The following KIF27 variants were observed in gnomAD, a reference collection of about 807,000 sequenced individuals.
KIF27 encodes the protein kinesin family member 27.
In KIF27, 84 loss-of-function variants were observed where a neutral mutation model predicts 141.8. The ratio of observed to expected loss-of-function variants is 0.59; its 90% CI spans 0.50 to 0.71. KIF27 has a LOEUF of 0.71. Among genes scored for constraint, KIF27 ranks in the 30% least tolerant of loss-of-function variants. KIF27 has a pLI of 0.00. For missense variants in KIF27, 1,306 were observed against 1,628.4 expected, an observed-to-expected ratio of 0.80 and a Z score of 3.41; for synonymous variants, 471 against 569.5, an observed-to-expected ratio of 0.83 and a Z score of 2.46.
At chr9:83,840,183 G>C (rs956979876) in intron 17 of KIF27, among the ~76,000 whole-genome samples, 1 of 152,068 alleles carries the variant, frequency 6.6e-6, no homozygotes, top group Non-Finnish European at 1.5e-5. Context: ...TTTAAAGCAT[G>C]GGCAAAATAT....
At chr9:83,916,181 C>T (rs1237505826) in intron 1 of KIF27, among the ~76,000 whole-genome samples, 4 of 151,854 alleles carry the variant, frequency 2.6e-5, no homozygotes, top group African/African-American at 9.7e-5. Context: ...TACAGGCGCC[C>T]GCCACCACAC....
chr9:83,880,527 A>G, intron 10 of KIF27, 33 bp from the exon 11 acceptor site: 1 of 1,496,570 alleles, frequency 6.7e-7, no homozygotes, highest in Non-Finnish European at 9.2e-7. Context: ...AAAATGAAAA[A>G]CTGAATCTCT....
intron 13 of KIF27, among the ~76,000 whole-genome samples, chr9:83,866,954 C>G (rs963006870): frequency 1.3e-5 from 2 of 149,404 alleles, no homozygotes; most frequent in Non-Finnish European, 3.0e-5. Flanking sequence ...ATTCACCCCC[C>G]CCCCAAAAAA....
chr9:83,847,664 T>A (rs1259000604), intron 16 of KIF27: 1 of 152,068 alleles, frequency 6.6e-6, no homozygotes, highest in Non-Finnish European at 1.5e-5. Context: ...TTTGAGTCAG[T>A]GGGCTGGGGA....
At chr9:83,909,857 G>A (rs1041230815) in intron 2 of KIF27, among the ~76,000 whole-genome samples, 7 of 152,156 alleles carry the variant, frequency 4.6e-5, no homozygotes, top group Middle Eastern at 3.4e-3. Flanking sequence ...GAGCTAAGAA[G>A]TTTGAGACAA....
intron 4 of KIF27, among the ~76,000 whole-genome samples, chr9:83,902,483 A>G (rs1954020969): frequency 6.6e-6 from 1 of 152,222 alleles, no homozygotes; most frequent in Non-Finnish European, 1.5e-5. Context: ...TCTGAACTCA[A>G]TACACGTACA....
At position 83,850,830 on chromosome 9, in the gene KIF27, C is replaced by CTTTTTTT. The variant is rs202212264; in HGVS notation, c.3358-540_3358-534dup. Among the ~76,000 whole-genome samples, 15 of 67,504 alleles carry CTTTTTTT rather than the reference C, an allele frequency of 2.2e-4. 1 individual carries two copies. Among genetic ancestry groups the CTTTTTTT allele is most frequent in the East Asian group, 8.4e-4 (2 of 2,390 alleles). 44.3% of individuals were successfully genotyped at this position (67,504 alleles called of 152,430 possible). ...TGGAATTCTGAATTGATGACATTTT[C>CTTTTTTT]TTTTTTTTTTTTTTTTTTTTTTTTT... On this transcript the variant is annotated intron_variant, in intron 15 of 17. Coordinates refer to ENST00000297814, the MANE Select transcript of KIF27 (RefSeq NM_017576.4).
At chr9:83,904,494 G>A (rs1010084315) in intron 3 of KIF27, among the ~76,000 whole-genome samples, 7 of 151,914 alleles carry the variant, frequency 4.6e-5, no homozygotes, top group South Asian at 2.1e-4. Flanking sequence ...TTAGCCTCCC[G>A]AGTAGTTGGG....
intron 7 of KIF27, among the ~76,000 whole-genome samples, 159 bp from the exon 8 acceptor site, chr9:83,888,751 C>G (rs1027611666): frequency 2.7e-5 from 4 of 148,690 alleles, no homozygotes; most frequent in South Asian, 4.2e-4. Flanking sequence ...ATGCCCCCCC[C>G]ATCCATGTTG....
chr9:83,844,383 ATTAG>A (rs1466931116), intron 16 of KIF27, among the ~76,000 whole-genome samples: 3 of 98,190 alleles, frequency 3.1e-5, no homozygotes, highest in African/African-American at 5.2e-5. Context: ...TATATCTCCT[ATTAG>A]TTCTATCCCT....
At chr9:83,896,400 A>T (rs1027136754) in intron 5 of KIF27, among the ~76,000 whole-genome samples, 3 of 152,222 alleles carry the variant, frequency 2.0e-5, no homozygotes, top group African/African-American at 7.2e-5. Flanking sequence ...ATTAATATCT[A>T]AAAATTAGTA....
At chr9:83,871,057 T>C (rs1327915422) in intron 11 of KIF27, among the ~76,000 whole-genome samples, 1 of 152,068 alleles carries the variant, frequency 6.6e-6, no homozygotes, top group East Asian at 1.9e-4. Flanking sequence ...ACTACAGGTG[T>C]GTACCACCAC....
rs1029092272 is a variant in KIF27, at chr9:83,836,120, GA to G, written c.*880del. ...GCAAAGCCTGACTAAGGAGGTTATA[GA>G]AAAAAATATCAGACTTAAGCCCATC... On this transcript the variant is annotated 3_prime_UTR_variant, in exon 18 of 18. Transcript: ENST00000297814. 3.6e-4 allele frequency among the ~76,000 whole-genome samples: 54 copies of G among 151,412 alleles called. No homozygotes were observed. Among genetic ancestry groups the G allele is most frequent in the Middle Eastern group, 6.8e-3 (2 of 294 alleles).
rs779050289 is a variant in KIF27 at position 83,867,887 on chromosome 9, C to T, written c.2758-27G>A. The T allele has an allele frequency of 1.5e-5, 23 of 1,549,242 alleles. 2 individuals carry two copies. Among genetic ancestry groups the T allele is most frequent in the South Asian group, 1.0e-4 (8 of 80,350 alleles). ...TACATTAAAATTAAAAAAAAAGTTA[C>T]TTGTTTTTCCTTCTGCCATAAAAAT... On this transcript the variant is annotated intron_variant, in intron 12 of 17. Coordinates refer to ENST00000297814, the MANE Select transcript of KIF27 (RefSeq NM_017576.4).
Position 83,867,863 on chromosome 9 carries a change from A to G in KIF27, c.2758-3T>C. 1 of 1,564,750 alleles carries G rather than the reference A, an allele frequency of 6.4e-7. No homozygotes were observed. Among genetic ancestry groups the G allele is most frequent in the South Asian group, 1.2e-5 (1 of 82,228 alleles). Reference sequence around the variant, plus strand: ...CATTTCTTTTGCTCATCCAATTTCTACATTAAAATTAAAAAAAAAGTTACT... The same window carrying G: ...CATTTCTTTTGCTCATCCAATTTCTGCATTAAAATTAAAAAAAAAGTTACT... On this transcript the variant is annotated splice_region_variant and splice_polypyrimidine_tract_variant and intron_variant, in intron 12 of 17. Coordinates refer to ENST00000297814, the MANE Select transcript of KIF27 (RefSeq NM_017576.4).
intron 16 of KIF27, chr9:83,848,769 C>CT (rs970784984): frequency 1.3e-5 from 2 of 151,514 alleles, no homozygotes; most frequent in African/African-American, 4.8e-5. Context: ...CCAGCCACAA[C>CT]TTTGTTATGA....
intron 2 of KIF27, among the ~76,000 whole-genome samples, chr9:83,910,315 G>A (rs1391916470): frequency 6.6e-6 from 1 of 152,160 alleles, no homozygotes; most frequent in African/African-American, 2.4e-5. Context: ...TAAAAAGCAG[G>A]AAACTGACCC....
At chr9:83,860,297 A>C (rs531746869) in intron 13 of KIF27, among the ~76,000 whole-genome samples, 302 of 152,308 alleles carry the variant, frequency 2.0e-3, no homozygotes, top group African/African-American at 5.0e-3. Context: ...ATCCTACTCC[A>C]AGACGGCCAC....
chr9:83,848,070 G>GATATATATCTATATATCATATATATGAT (rs10622451), intron 16 of KIF27, among the ~76,000 whole-genome samples: 1 of 43,240 alleles, frequency 2.3e-5, no homozygotes, highest in Non-Finnish European at 3.9e-5. Context: ...TCATATATAT[G>GATATATATCTATATATCATATATATGAT]ATATATGATA....
Sources: allele counts gnomAD v4.1 joint callset (sites outside exome capture counted in the v4.1 genomes callset), GRCh38; gene constraint gnomAD v4.1.1; transcripts MANE v1.5; gene names NCBI Gene and HGNC (gene_info 2026-07-23, HGNC 2026-07-21).